The following VAV3 variants were observed in gnomAD, a reference collection of about 807,000 sequenced individuals.
The protein encoded by VAV3 is vav guanine nucleotide exchange factor 3.
Under a neutral mutation model 131.2 loss-of-function variants are expected in VAV3, and 94 were observed. That is an observed-to-expected ratio of 0.72 (90% CI 0.61 to 0.85). The LOEUF is 0.85. VAV3 is among the 40% of genes least tolerant of loss of function. The pLI is 0.00. For missense variants in VAV3, 939 were observed against 1,002.7 expected, an observed-to-expected ratio of 0.94 and a Z score of 0.86; for synonymous variants, 349 against 342.0, an observed-to-expected ratio of 1.02 and a Z score of -0.22.
chr1:107,802,615 C>A (rs1666877560), intron 2 of VAV3, among the ~76,000 whole-genome samples: 2 of 151,830 alleles, frequency 1.3e-5, no homozygotes, highest in African/African-American at 4.8e-5. Context: ...TAGTTTTGTT[C>A]TTGGTTAGGT....
At chr1:107,647,455 A>T (rs893490481) in intron 19 of VAV3, among the ~76,000 whole-genome samples, 7 of 152,022 alleles carry the variant, frequency 4.6e-5, no homozygotes, top group African/African-American at 1.4e-4. Flanking sequence ...AAAGCAAGGG[A>T]AAGTATCCTG....
intron 25 of VAV3, among the ~76,000 whole-genome samples, chr1:107,581,266 C>T (rs897919809): frequency 3.9e-5 from 6 of 152,276 alleles, no homozygotes; most frequent in Middle Eastern, 3.4e-3. Flanking sequence ...GCAAGGGAGG[C>T]CACCTTGCTT....
chr1:107,750,160 C>T (rs1663621940), intron 13 of VAV3, among the ~76,000 whole-genome samples: 1 of 152,122 alleles, frequency 6.6e-6, no homozygotes, highest in Non-Finnish European at 1.5e-5. Flanking sequence ...GCTAGTGAGG[C>T]ATGTAACAGG....
intron 2 of VAV3, among the ~76,000 whole-genome samples, chr1:107,812,846 G>A (rs868325318): frequency 1.8e-4 from 28 of 152,056 alleles, no homozygotes; most frequent in African/African-American, 4.6e-4. Flanking sequence ...TGATAAGGCC[G>A]GGCACGGTGG....
At chr1:107,926,199 T>A (rs1406806910) in intron 1 of VAV3, among the ~76,000 whole-genome samples, 1 of 152,056 alleles carries the variant, frequency 6.6e-6, no homozygotes, top group Non-Finnish European at 1.5e-5. Context: ...GGAGAATGAC[T>A]TGAACCCGGG....
chr1:107,863,872 T>C (rs1669861027), intron 2 of VAV3, among the ~76,000 whole-genome samples: 1 of 152,232 alleles, frequency 6.6e-6, no homozygotes, highest in African/African-American at 2.4e-5. Flanking sequence ...TCAGTAGCTA[T>C]GCCAAATGCA....
At chr1:107,765,034 G>T (rs773768931) in intron 9 of VAV3, 42 bp downstream of exon 9, 9 of 1,402,530 alleles carry the variant, frequency 6.4e-6, no homozygotes, top group Non-Finnish European at 9.1e-6. Flanking sequence ...TTGCTTTTAG[G>T]TTTATTTTGC....
intron 15 of VAV3, among the ~76,000 whole-genome samples, chr1:107,747,241 C>G (rs17019881): frequency 0.085 from 12,863 of 152,208 alleles, 765 homozygotes; most frequent in East Asian, 0.25. Context: ...AAAATAGTAA[C>G]TGACATGCCT....
chr1:107,659,202 A>G (rs1045367349), intron 19 of VAV3, among the ~76,000 whole-genome samples: 8 of 152,158 alleles, frequency 5.3e-5, no homozygotes, highest in African/African-American at 1.9e-4. Context: ...TTTATTAAAT[A>G]GGGAATCCTT....
At chr1:107,818,840 G>A (rs914010794) in intron 2 of VAV3, among the ~76,000 whole-genome samples, 10 of 152,036 alleles carry the variant, frequency 6.6e-5, no homozygotes, top group Admixed American at 1.3e-4. Flanking sequence ...CTCCCCTCTC[G>A]ACATGCTACC....
At chr1:107,898,825 A>G (rs1024755606) in intron 1 of VAV3, among the ~76,000 whole-genome samples, 16 of 152,218 alleles carry the variant, frequency 1.1e-4, no homozygotes, top group African/African-American at 3.9e-4. Context: ...CTTTTAAACT[A>G]TTCTAAGCAA....
At chr1:107,835,559 A>T (rs1187403261) in intron 2 of VAV3, among the ~76,000 whole-genome samples, 1 of 152,180 alleles carries the variant, frequency 6.6e-6, no homozygotes, top group Non-Finnish European at 1.5e-5. Flanking sequence ...GCCTCTGCCC[A>T]ATGTAGCCTC....
intron 15 of VAV3, among the ~76,000 whole-genome samples, chr1:107,716,461 C>T (rs189244196): frequency 1.7e-4 from 26 of 152,266 alleles, no homozygotes; most frequent in South Asian, 1.5e-3. Flanking sequence ...TCAATTTTGT[C>T]AAAGGCCTTT....
chr1:107,618,725 A>C (rs1445421897), intron 20 of VAV3, among the ~76,000 whole-genome samples: 1 of 152,178 alleles, frequency 6.6e-6, no homozygotes, highest in East Asian at 1.9e-4. Flanking sequence ...CAGAGCTAAC[A>C]AGTACAGAGC....
At chr1:107,738,534 C>T (rs181022443) in intron 15 of VAV3, among the ~76,000 whole-genome samples, 305 of 152,250 alleles carry the variant, frequency 2.0e-3, no homozygotes, top group African/African-American at 7.2e-3. Flanking sequence ...TGCCATCTCC[C>T]CAACTAGCCT....
At chr1:107,916,411 G>A (rs541850591) in intron 1 of VAV3, among the ~76,000 whole-genome samples, 1 of 152,152 alleles carries the variant, frequency 6.6e-6, no homozygotes, top group Non-Finnish European at 1.5e-5. Flanking sequence ...CAAATATATT[G>A]CAAGTAATAT....
chr1:107,947,545 A>C (rs1385688106), intron 1 of VAV3, among the ~76,000 whole-genome samples: 3 of 152,044 alleles, frequency 2.0e-5, no homozygotes, highest in African/African-American at 7.2e-5. Flanking sequence ...GAGTTCACTT[A>C]CTCTTCACAA....
chr1:107,648,070 GA>G (rs1655871018), intron 19 of VAV3, among the ~76,000 whole-genome samples: 1 of 152,024 alleles, frequency 6.6e-6, no homozygotes, highest in East Asian at 1.9e-4. Flanking sequence ...CAATTTGGTG[GA>G]AAACAAACTG....
At chr1:107,816,517 A>C (rs1377310951) in intron 2 of VAV3, among the ~76,000 whole-genome samples, 2 of 152,150 alleles carry the variant, frequency 1.3e-5, no homozygotes, top group Non-Finnish European at 2.9e-5. Flanking sequence ...TCTGACCTTG[A>C]TTCTGCAAAA....
Sources: allele counts gnomAD v4.1 joint callset (sites outside exome capture counted in the v4.1 genomes callset), GRCh38; gene constraint gnomAD v4.1.1; transcripts MANE v1.5; gene names NCBI Gene and HGNC (gene_info 2026-07-23, HGNC 2026-07-21).